The following KANK4 variants were observed in gnomAD, a reference collection of about 807,000 sequenced individuals.
KANK4 encodes KN motif and ankyrin repeat domains 4, also known as KN motif and ankyrin repeat domain-containing protein 4.
In KANK4, 50 loss-of-function variants were observed where a neutral mutation model predicts 80.8. The observed-to-expected ratio is 0.62, with a 90% confidence interval of 0.49 to 0.78. The LOEUF is 0.78. Among genes scored for constraint, KANK4 ranks in the 30% least tolerant of loss-of-function variants. KANK4 has a pLI of 0.00. For synonymous variants in KANK4, 465 were observed against 506.9 expected (o/e 0.92, Z 1.11); for missense variants, 1,196 against 1,240.1 (o/e 0.96, Z 0.53).
intron 1 of KANK4, among the ~76,000 whole-genome samples, chr1:62,300,798 T>C (rs1208725095): frequency 6.6e-6 from 1 of 152,108 alleles, no homozygotes; most frequent in Non-Finnish European, 1.5e-5. Flanking sequence ...GATTCTGGAC[T>C]ATTAGTAGAC....
At position 62,273,575 on chromosome 1, in the gene KANK4, C is replaced by T; in HGVS notation, c.1529G>A (p.Gly510Glu). The T allele has an allele frequency of 3.7e-6, 6 of 1,614,072 alleles. No individual in the cohort carries two copies. The highest frequency in any genetic ancestry group is 1.6e-4 in the Middle Eastern group (1 of 6,062). Residue 510 changes from glycine to glutamate, a missense_variant, in exon 3 of 10, where the codon GGA becomes GAA. Transcript: ENST00000371153. ...TCCCCTGGTTCCTCCCTGAGGGCCT[C>T]CTTCCTGTTCAGTGCCTGCTTCTTC... Reference protein sequence around the residue: ...RIEEAGTEQEGGPQGGTRGAG... With the variant: ...RIEEAGTEQEEGPQGGTRGAG...
chr1:62,290,599 AGCAAGGAAAGG>A (rs1291718828), intron 1 of KANK4, among the ~76,000 whole-genome samples: 1 of 152,250 alleles, frequency 6.6e-6, no homozygotes, highest in African/African-American at 2.4e-5. Context: ...CACAATGTGA[AGCAAGGAAAGG>A]GCAAGGATCA....
intron 3 of KANK4, 101 bp from the exon 4 acceptor site, chr1:62,271,690 T>C: frequency 1.2e-6 from 1 of 846,960 alleles, no homozygotes; most frequent in Non-Finnish European, 2.0e-6. Flanking sequence ...TGCAGGTGTG[T>C]GGAGAGGTAA....
chr1:62,314,765 G>T lies in KANK4; in HGVS notation c.-71+4341C>A, dbSNP rs536633499. On this transcript the variant is annotated intron_variant, in intron 1 of 9. Coordinates refer to ENST00000371153, the MANE Select transcript of KANK4 (RefSeq NM_181712.5). Reference sequence around the variant, plus strand: ...CTTTTGGGGAAAAAATGAGGAGAGTGATGGAACTGGGATTTGTGTTTTCTC... The same window carrying T: ...CTTTTGGGGAAAAAATGAGGAGAGTTATGGAACTGGGATTTGTGTTTTCTC... Among the ~76,000 whole-genome samples the T allele has an allele frequency of 5.3e-5, 8 of 152,154 alleles. No individual in the cohort carries two copies. The East Asian group carries it at 9.7e-4, about 18-fold the overall frequency.
intron 7 of KANK4, among the ~76,000 whole-genome samples, chr1:62,254,892 T>C (rs1262655745): frequency 3.5e-5 from 5 of 141,480 alleles, no homozygotes; most frequent in Non-Finnish European, 1.5e-5. Flanking sequence ...TTTTTTTTTT[T>C]TTTTTTTTTT....
intron 9 of KANK4, among the ~76,000 whole-genome samples, chr1:62,242,232 C>T (rs1014600513): frequency 6.6e-6 from 1 of 151,884 alleles, no homozygotes; most frequent in African/African-American, 2.4e-5. Context: ...TGCACTGGCT[C>T]ATGCTTGTAA....
At chr1:62,266,648 C>T in intron 6 of KANK4, 84 bp downstream of exon 6, 1 of 892,730 alleles carries the variant, frequency 1.1e-6, no homozygotes, top group South Asian at 1.4e-5. Context: ...CCTCACACCA[C>T]TGAATGGGAC....
chr1:62,264,156 G>A (rs1220669810), intron 6 of KANK4, among the ~76,000 whole-genome samples: 1 of 152,176 alleles, frequency 6.6e-6, no homozygotes, highest in Admixed American at 6.5e-5. Context: ...GGCAGCTCTC[G>A]CCTGTAATCC....
At chr1:62,239,164 A>G (rs1455531182) in intron 9 of KANK4, among the ~76,000 whole-genome samples, 1 of 151,966 alleles carries the variant, frequency 6.6e-6, no homozygotes, top group African/African-American at 2.4e-5. Context: ...GGCTTTCCAA[A>G]GTTTTGGGAT....
intron 2 of KANK4, 109 bp downstream of exon 2, chr1:62,281,440 G>T: frequency 7.7e-7 from 1 of 1,305,724 alleles, no homozygotes; most frequent in South Asian, 1.2e-5. Flanking sequence ...CCTGTTTGAG[G>T]GATATCTCCT....
intron 9 of KANK4, among the ~76,000 whole-genome samples, chr1:62,246,389 A>T (rs989951179): frequency 1.3e-5 from 2 of 152,094 alleles, no homozygotes; most frequent in Non-Finnish European, 2.9e-5. Flanking sequence ...ATTCCTTCTG[A>T]AGGCTTTTGA....
At chr1:62,311,393 T>C (rs1644497214) in intron 1 of KANK4, among the ~76,000 whole-genome samples, 1 of 151,944 alleles carries the variant, frequency 6.6e-6, no homozygotes, top group Admixed American at 6.6e-5. Context: ...TGGCACAAGT[T>C]CGATAAAAGG....
intron 9 of KANK4, among the ~76,000 whole-genome samples, chr1:62,239,588 A>G (rs1476291866): frequency 6.6e-6 from 1 of 152,058 alleles, no homozygotes; most frequent in Non-Finnish European, 1.5e-5. Context: ...ACATGTATAT[A>G]TGTGCCATGT....
chr1:62,247,891 A>C (rs1671510101), intron 8 of KANK4, among the ~76,000 whole-genome samples: 1 of 152,014 alleles, frequency 6.6e-6, no homozygotes, highest in African/African-American at 2.4e-5. Context: ...CTCACTCCCC[A>C]GGCACGGGAA....
In KANK4 at chr1:62,305,797, G is replaced by A. The variant is rs191537132; in HGVS notation, c.-71+13309C>T. ...TTGCTTTCTCCTGACACTGCATTGC[G>A]CTCTGATAACCCAGTACCCAAAAAG... is the stretch of plus-strand genomic sequence containing the variant. On this transcript the variant is annotated intron_variant, in intron 1 of 9. Coordinates refer to ENST00000371153, the MANE Select transcript of KANK4 (RefSeq NM_181712.5). 1.6e-3 allele frequency among the ~76,000 whole-genome samples: 239 copies of A among 152,192 alleles called. 1 individual carries two copies. Among genetic ancestry groups the A allele is most frequent in the Middle Eastern group, 3.4e-3 (1 of 294 alleles).
intron 4 of KANK4, among the ~76,000 whole-genome samples, chr1:62,269,974 A>G (rs542300036): frequency 1.3e-5 from 2 of 152,328 alleles, no homozygotes; most frequent in East Asian, 3.9e-4. Flanking sequence ...GATGTTTTAA[A>G]AGCTCCCCTG....
intron 7 of KANK4, among the ~76,000 whole-genome samples, chr1:62,259,774 A>C (rs1055628655): frequency 6.7e-6 from 1 of 148,832 alleles, no homozygotes; most frequent in Non-Finnish European, 1.5e-5. Flanking sequence ...TATAATTTAT[A>C]ATTAATATAA....
At position 62,268,322 on chromosome 1, in the gene KANK4, C is replaced by A; in HGVS notation, c.2196G>T (p.Gly732=). ...TGGAGTGGGGGACTTCTTCCCCAGGCCCACTTTCCTGGGCAGCATGGCAGG... is the reference window on the plus strand; with the variant it reads ...TGGAGTGGGGGACTTCTTCCCCAGGACCACTTTCCTGGGCAGCATGGCAGG... The part of the protein sequence containing the change: ...EGTCHAAQES[G]PGEEVPHSKA... Residue 732 remains glycine, a synonymous_variant, in exon 5 of 10, where the codon GGG becomes GGT. Transcript: ENST00000371153. 1.2e-6 allele frequency: 2 copies of A among 1,613,782 alleles called. No homozygotes were observed. The highest frequency in any genetic ancestry group is 1.7e-6 in the Non-Finnish European group (2 of 1,179,934).
Position 62,274,199 on chromosome 1 carries a change from T to G in KANK4, c.905A>C (p.Glu302Ala). ...PIPENELLLE[E>A]IELNISEIPP... ...AATCTCGCTGATGTTGAGCTCGATTTCTTCCAGGAGGAGCTCATTCTCAGG... is the reference window on the plus strand; with the variant it reads ...AATCTCGCTGATGTTGAGCTCGATTGCTTCCAGGAGGAGCTCATTCTCAGG... Residue 302 changes from glutamate to alanine, a missense_variant, in exon 3 of 10, where the codon GAA (glutamate) becomes GCA (alanine). By Grantham distance (107) the Glu-to-Ala change is moderately radical (BLOSUM62 -1). This residue lies in a region of KANK4 where 1,154 missense variants were observed against 1,179.6 expected (regional missense o/e 0.98). Transcript: ENST00000371153. 1 of 1,614,136 alleles carries G rather than the reference T, an allele frequency of 6.2e-7. No homozygotes were observed. Among genetic ancestry groups the G allele is most frequent in the East Asian group, 2.2e-5 (1 of 44,876 alleles).
Sources: allele counts gnomAD v4.1 joint callset (sites outside exome capture counted in the v4.1 genomes callset), GRCh38; gene constraint gnomAD v4.1.1; regional missense constraint gnomAD v4.1.1; transcripts MANE v1.5; gene names NCBI Gene and HGNC (gene_info 2026-07-23, HGNC 2026-07-21).